The following USP34 variants were observed in gnomAD, a reference collection of about 807,000 sequenced individuals.
USP34 encodes the protein ubiquitin carboxyl-terminal hydrolase 34.
Under a neutral mutation model 460.3 loss-of-function variants are expected in USP34, and 70 were observed. The observed-to-expected ratio is 0.15, with a 90% CI of 0.13 to 0.19. USP34 has a LOEUF of 0.19. USP34 is among the 10% of genes least tolerant of loss of function. The probability of loss-of-function intolerance (pLI) is 1.00; values close to 1 mark genes in which losing one functional copy is unlikely to be tolerated. For missense variants in USP34, 3,985 were observed against 4,236.2 expected (o/e 0.94, Z 1.65); for synonymous variants, 1,647 against 1,405.3 (o/e 1.17, Z -3.85).
chr2:61,449,331 T>A (rs1469682749), intron 1 of USP34, among the ~76,000 whole-genome samples: 15 of 151,320 alleles, frequency 9.9e-5, no homozygotes, highest in Admixed American at 9.9e-4. Context: ...TAGAAAGATA[T>A]CCCATGTTCA....
intron 20 of USP34, among the ~76,000 whole-genome samples, chr2:61,326,466 G>C (rs1037274935): frequency 1.6e-4 from 24 of 152,146 alleles, no homozygotes; most frequent in African/African-American, 5.8e-4. Context: ...GACCTCAAGT[G>C]ATCTGCCTGC....
intron 51 of USP34, among the ~76,000 whole-genome samples, chr2:61,243,250 G>A (rs1688323399): frequency 6.6e-6 from 1 of 151,972 alleles, no homozygotes; most frequent in Non-Finnish European, 1.5e-5. Flanking sequence ...GGGTTCAAGC[G>A]ATTCTCCTGT....
chr2:61,259,771 T>C lies in USP34; in HGVS notation c.5784A>G (p.Ser1928=). Residue 1928 remains serine (S), a synonymous_variant, in exon 44 of 80, where the codon TCA becomes TCG. Transcript: ENST00000398571. ...GAGTGGTCTTGTGCTTCATATCCTCTGAATACTGAAAATCAAGAGAAAACA... is the reference window on the plus strand; with the variant it reads ...GAGTGGTCTTGTGCTTCATATCCTCCGAATACTGAAAATCAAGAGAAAACA... ...ARQAVFTAKY[S]EDMKHKTTLL... is the part of the protein sequence containing the mutation. The C allele has an allele frequency of 6.2e-7, 1 of 1,612,780 alleles. No individual in the cohort carries two copies. The highest frequency in any genetic ancestry group is 8.5e-7 in the Non-Finnish European group (1 of 1,179,764).
intron 76 of USP34, among the ~76,000 whole-genome samples, chr2:61,192,308 C>G (rs191699486): frequency 3.3e-5 from 5 of 152,214 alleles, no homozygotes; most frequent in South Asian, 4.1e-4. Context: ...ACATTAGTAC[C>G]TCCTCCTCTT....
At chr2:61,235,318 ATTT>A (rs1558481916) in intron 57 of USP34, among the ~76,000 whole-genome samples, 2 of 124,766 alleles carry the variant, frequency 1.6e-5, no homozygotes, top group Non-Finnish European at 3.2e-5. Flanking sequence ...GGGGGAAAAA[ATTT>A]TTTTTTCTTT....
intron 3 of USP34, 57 bp from the exon 4 acceptor site, chr2:61,395,290 A>C: frequency 2.9e-6 from 3 of 1,028,788 alleles, no homozygotes; most frequent in Non-Finnish European, 2.9e-6. Context: ...CCTTTAAAAA[A>C]TACAATTCTA....
chr2:61,198,305 G>T (rs1427567144), intron 75 of USP34, among the ~76,000 whole-genome samples: 2 of 152,130 alleles, frequency 1.3e-5, no homozygotes. Context: ...GTAATTCAAT[G>T]AACATGCCTG....
chr2:61,308,939 G>A (rs912931716), intron 27 of USP34, among the ~76,000 whole-genome samples: 35 of 152,158 alleles, frequency 2.3e-4, no homozygotes, highest in Non-Finnish European at 1.2e-4. Flanking sequence ...CTACTCAGGA[G>A]GCTGAGGTGG....
intron 78 of USP34, chr2:61,189,933 A>G (rs961453496): frequency 2.1e-5 from 4 of 186,634 alleles, no homozygotes; most frequent in African/African-American, 9.3e-5. Context: ...TCAGTAGATC[A>G]TTAATTGTTT....
At position 61,396,139 on chromosome 2, in the gene USP34, G is replaced by C. The variant is rs559951875; in HGVS notation, c.553-906C>G. On this transcript the variant is annotated intron_variant, in intron 3 of 79. Transcript: ENST00000398571. ...AGTTAAGTGGTTTTTGTTTTGAAAAGTTTCTCAACAAACTTTTTCATGATT... is the reference window on the plus strand; with the variant it reads ...AGTTAAGTGGTTTTTGTTTTGAAAACTTTCTCAACAAACTTTTTCATGATT... 4.6e-5 allele frequency among the ~76,000 whole-genome samples: 7 copies of C among 151,728 alleles called. No individual in the cohort carries two copies. The South Asian group carries it at 1.0e-3, about 23-fold the overall frequency.
intron 15 of USP34, among the ~76,000 whole-genome samples, chr2:61,344,679 C>A (rs999573705): frequency 6.6e-6 from 1 of 152,164 alleles, no homozygotes; most frequent in Admixed American, 6.5e-5. Context: ...CTAAGATTTG[C>A]AGTGTACCAA....
At chr2:61,243,991 G>C (rs1688352014) in intron 51 of USP34, among the ~76,000 whole-genome samples, 1 of 151,660 alleles carries the variant, frequency 6.6e-6, no homozygotes, top group South Asian at 2.1e-4. Context: ...TTAGCAAGTG[G>C]ACTGCTTTTC....
chr2:61,286,398 A>G (rs1454207071), intron 34 of USP34, among the ~76,000 whole-genome samples: 1 of 152,096 alleles, frequency 6.6e-6, no homozygotes, highest in Non-Finnish European at 1.5e-5. Flanking sequence ...GCTCACACCT[A>G]TAATCCCAGC....
At chr2:61,460,076 T>C (rs1199467554) in intron 1 of USP34, among the ~76,000 whole-genome samples, 1 of 152,096 alleles carries the variant, frequency 6.6e-6, no homozygotes, top group Non-Finnish European at 1.5e-5. Flanking sequence ...AAAAGATACT[T>C]GAAAACAGTT....
intron 58 of USP34, 67 bp from the exon 59 acceptor site, chr2:61,229,700 A>T (rs1255578220): frequency 1.5e-6 from 2 of 1,359,712 alleles, no homozygotes; most frequent in Non-Finnish European, 2.1e-6. Context: ...AAAAATTAAC[A>T]TGATTCAAAA....
At chr2:61,412,902 AAAG>A (rs895484758) in intron 2 of USP34, among the ~76,000 whole-genome samples, 4 of 151,666 alleles carry the variant, frequency 2.6e-5, no homozygotes, top group Non-Finnish European at 4.4e-5. Flanking sequence ...AAAAAAAAAA[AAAG>A]AGAGAATATG....
Position 61,458,538 on chromosome 2 carries a change from G to A in USP34, c.43+12112C>T, listed in dbSNP as rs142501537. Among the ~76,000 whole-genome samples, 491 of 129,064 alleles carry A rather than the reference G, an allele frequency of 3.8e-3. 17 individuals are homozygous for A. In the East Asian group the frequency reaches 0.1, roughly 26 times the overall value. 84.7% of individuals were successfully genotyped at this position (129,064 alleles called of 152,430 possible). A position where few individuals can be genotyped will look rare whatever the true frequency, so the allele number is the denominator to read the frequency against. On this transcript the variant is annotated intron_variant, in intron 1 of 79. Coordinates refer to ENST00000398571, the MANE Select transcript of USP34 (RefSeq NM_014709.4). ...ATCACACCATTGCACTCCAGCCTGG[G>A]CAACAAGAGTGAAACTGTCTCAGAA...
At chr2:61,274,618 C>A (rs1035286848) in intron 41 of USP34, among the ~76,000 whole-genome samples, 4 of 152,112 alleles carry the variant, frequency 2.6e-5, no homozygotes, top group South Asian at 2.1e-4. Flanking sequence ...GAAGTTCAGC[C>A]TTACTAATAA....
chr2:61,400,731 C>T (rs945030748), intron 3 of USP34, among the ~76,000 whole-genome samples: 2 of 152,038 alleles, frequency 1.3e-5, no homozygotes, highest in African/African-American at 4.8e-5. Context: ...TGCACCTGTA[C>T]TCCCAGCTAC....
Sources: gnomAD v4.1 joint callset for allele counts (sites outside exome capture counted in the v4.1 genomes callset) on GRCh38, gnomAD v4.1.1 for gene constraint, MANE v1.5 for transcripts, NCBI Gene and HGNC (gene_info 2026-07-23, HGNC 2026-07-21) for gene names.